Variants in PTPRD observed in about 807,000 individuals in gnomAD.
PTPRD encodes protein tyrosine phosphatase receptor type D.
In PTPRD, 34 loss-of-function variants were observed where a neutral mutation model predicts 214.5. The observed-to-expected ratio is 0.16, with a 90% CI of 0.12 to 0.21. The LOEUF is 0.21. PTPRD is among the 10% of genes least tolerant of loss of function. PTPRD has a pLI of 1.00. For missense variants in PTPRD, 2,545 were observed against 2,398.7 expected, an observed-to-expected ratio of 1.06 and a Z score of -1.27; for synonymous variants, 1,128 against 845.7, an observed-to-expected ratio of 1.33 and a Z score of -5.79.
chr9:9,718,974 G>T (rs1468106016), intron 7 of PTPRD, among the ~76,000 whole-genome samples: 1 of 152,172 alleles, frequency 6.6e-6, no homozygotes, highest in Non-Finnish European at 1.5e-5. Context: ...CCACCTTCAA[G>T]CCAGGGATGA....
intron 39 of PTPRD, among the ~76,000 whole-genome samples, chr9:8,358,153 T>C (rs1203978426): frequency 1.3e-5 from 2 of 152,188 alleles, no homozygotes; most frequent in Non-Finnish European, 2.9e-5. Context: ...GAGGATGCAA[T>C]GTGACCTCAT....
At chr9:9,560,979 C>T (rs140134332) in intron 8 of PTPRD, among the ~76,000 whole-genome samples, 139 of 152,206 alleles carry the variant, frequency 9.1e-4, no homozygotes, top group African/African-American at 3.2e-3. Context: ...AGGTAGCCTT[C>T]ACTCTCTCTC....
chr9:10,469,892 A>G (rs1293332877), intron 2 of PTPRD, among the ~76,000 whole-genome samples: 2 of 152,172 alleles, frequency 1.3e-5, no homozygotes, highest in South Asian at 2.1e-4. Flanking sequence ...TAAGTGAAAT[A>G]ACCCAGGCAT....
Position 10,125,423 on chromosome 9 carries a change from T to TTTTTTA in PTPRD, c.-544-91634_-544-91633insTAAAAA, listed in dbSNP as rs1242346104. The stretch of plus-strand genomic sequence containing the variant: ...TTTATTTTTATTTATTTTGTTTTAT[T>TTTTTTA]TTATTATTATTATTATTATTATTAT... On this transcript the variant is annotated intron_variant, in intron 3 of 45. Transcript: ENST00000381196. 6.6e-3 allele frequency among the ~76,000 whole-genome samples: 881 copies of TTTTTTA among 133,502 alleles called. 7 individuals are homozygous for TTTTTTA. Among genetic ancestry groups the TTTTTTA allele is most frequent in the African/African-American group, 0.022 (808 of 36,128 alleles). 87.6% of individuals were successfully genotyped at this position (133,502 alleles called of 152,430 possible).
At chr9:9,357,170 G>A (rs1327394440) in intron 9 of PTPRD, among the ~76,000 whole-genome samples, 6 of 151,268 alleles carry the variant, frequency 4.0e-5, no homozygotes, top group African/African-American at 1.5e-4. Flanking sequence ...GCAAACAGCT[G>A]ATTTAGACAC....
At chr9:9,708,462 T>C (rs1251886487) in intron 7 of PTPRD, among the ~76,000 whole-genome samples, 2 of 152,108 alleles carry the variant, frequency 1.3e-5, no homozygotes, top group Admixed American at 1.3e-4. Context: ...GGATTCACAT[T>C]ACATAGTCAA....
At chr9:9,627,877 G>A (rs1039512463) in intron 7 of PTPRD, among the ~76,000 whole-genome samples, 1 of 152,102 alleles carries the variant, frequency 6.6e-6, no homozygotes, top group Non-Finnish European at 1.5e-5. Context: ...GTATAACAGA[G>A]GTTAGAGAAG....
At chr9:10,023,171 C>T (rs565361486) in intron 4 of PTPRD, among the ~76,000 whole-genome samples, 14 of 152,088 alleles carry the variant, frequency 9.2e-5, no homozygotes, top group East Asian at 1.9e-4. Context: ...TCTATGTACA[C>T]GTGTGTATAT....
rs181664904 is a variant in PTPRD at position 9,593,018 on chromosome 9, C to T, written c.-286-18237G>A. Among the ~76,000 whole-genome samples, 272 of 150,442 alleles carry T rather than the reference C, an allele frequency of 1.8e-3. 1 individual carries two copies. The highest frequency in any genetic ancestry group is 6.4e-3 in the African/African-American group (262 of 40,864). On this transcript the variant is annotated intron_variant, in intron 7 of 45. Coordinates refer to ENST00000381196, the MANE Select transcript of PTPRD (RefSeq NM_002839.4). ...CAAGATTGTGCCACTGCATTCCAGCCTGGGTGAGAGAGCAAGACTCTGTCA... is the reference window on the plus strand; with the variant it reads ...CAAGATTGTGCCACTGCATTCCAGCTTGGGTGAGAGAGCAAGACTCTGTCA...
chr9:9,062,918 T>C (rs1229883530), intron 10 of PTPRD, among the ~76,000 whole-genome samples: 1 of 152,182 alleles, frequency 6.6e-6, no homozygotes, highest in Admixed American at 6.5e-5. Context: ...AATATAAATG[T>C]GATCACTTGC....
At chr9:10,133,176 C>A (rs186351301) in intron 3 of PTPRD, among the ~76,000 whole-genome samples, 231 of 152,128 alleles carry the variant, frequency 1.5e-3, no homozygotes, top group Non-Finnish European at 2.5e-3. Context: ...ATGGTGTGGG[C>A]AGATTTTGGG....
intron 4 of PTPRD, among the ~76,000 whole-genome samples, chr9:10,031,414 A>C (rs1463122486): frequency 6.6e-6 from 1 of 151,494 alleles, no homozygotes; most frequent in Non-Finnish European, 1.5e-5. Context: ...CTGCCAGTGA[A>C]TATAAAGCAG....
chr9:10,510,642 G>C (rs551924183), intron 2 of PTPRD, among the ~76,000 whole-genome samples: 1 of 152,074 alleles, frequency 6.6e-6, no homozygotes, highest in African/African-American at 2.4e-5. Flanking sequence ...AGCATGCAAG[G>C]TGTAATGATC....
chr9:8,697,387 G>A (rs1328657238), intron 12 of PTPRD, among the ~76,000 whole-genome samples: 1 of 135,600 alleles, frequency 7.4e-6, no homozygotes, highest in Non-Finnish European at 1.6e-5. Context: ...GTTGATTTGG[G>A]ATTTTTTATT....
chr9:8,630,544 CCTTT>C (rs1362492925), intron 14 of PTPRD, among the ~76,000 whole-genome samples: 2 of 151,690 alleles, frequency 1.3e-5, no homozygotes, highest in African/African-American at 4.8e-5. Context: ...GTTTAGACTA[CCTTT>C]CTGTCATCTA....
chr9:9,615,189 G>A (rs2154348345), intron 7 of PTPRD, among the ~76,000 whole-genome samples: 2 of 152,220 alleles, frequency 1.3e-5, no homozygotes, highest in South Asian at 4.1e-4. Flanking sequence ...CTGCCTAGCT[G>A]GCCTGCACTC....
intron 3 of PTPRD, among the ~76,000 whole-genome samples, chr9:10,210,786 CA>C (rs2099512479): frequency 9.0e-5 from 8 of 88,574 alleles, no homozygotes; most frequent in African/African-American, 2.7e-4. Flanking sequence ...TATATAAAAT[CA>C]AAAAACTTCA....
intron 6 of PTPRD, among the ~76,000 whole-genome samples, chr9:9,748,755 T>G (rs1421683762): frequency 1.3e-5 from 2 of 152,222 alleles, no homozygotes; most frequent in Non-Finnish European, 2.9e-5. Context: ...GGCCTTTGAT[T>G]TGACTGGATT....
At chr9:8,591,785 G>A (rs1454654898) in intron 14 of PTPRD, among the ~76,000 whole-genome samples, 2 of 152,092 alleles carry the variant, frequency 1.3e-5, no homozygotes, top group East Asian at 3.9e-4. Flanking sequence ...TTTAAGCATA[G>A]GATACAAGAC....
Sources: allele counts gnomAD v4.1 joint callset (sites outside exome capture counted in the v4.1 genomes callset), GRCh38; gene constraint gnomAD v4.1.1; transcripts MANE v1.5; gene names NCBI Gene and HGNC (gene_info 2026-07-23, HGNC 2026-07-21).